The following SASH1 variants were observed in gnomAD, a reference collection of about 807,000 sequenced individuals.
SASH1 encodes the protein SAM and SH3 domain containing 1.
In SASH1, 44 loss-of-function variants were observed where a neutral mutation model predicts 125.2. That is an observed-to-expected ratio of 0.35 (90% CI 0.28 to 0.45). The LOEUF is 0.45. Ranked by LOEUF, SASH1 falls within the 20% of genes least tolerant of loss-of-function variation. The pLI, the probability that SASH1 is intolerant of heterozygous loss-of-function variation, is 1.00. For synonymous variants in SASH1, 639 were observed against 649.1 expected (o/e 0.98, Z 0.24); for missense variants, 1,426 against 1,614.5 (o/e 0.88, Z 2.00).
intron 8 of SASH1, among the ~76,000 whole-genome samples, chr6:148,510,839 T>TA (rs1225541017): frequency 2.0e-5 from 3 of 151,340 alleles, no homozygotes; most frequent in African/African-American, 7.3e-5. Context: ...TCTACAAAAA[T>TA]ACAAAAATTA....
chr6:148,237,499 A>T, the SASH1 span: 1 of 152,176 alleles, frequency 6.6e-6, no homozygotes, highest in African/African-American at 2.4e-5. Flanking sequence ...GGATTTCATT[A>T]TTCCATTTTT....
chr6:148,397,058 G>A (rs1454493016), intron 2 of SASH1, among the ~76,000 whole-genome samples: 2 of 152,080 alleles, frequency 1.3e-5, no homozygotes, highest in African/African-American at 4.8e-5. Context: ...TGTTGGAAAT[G>A]TGAACATCTA....
At chr6:148,468,728 C>T (rs1317438020) in intron 5 of SASH1, 143 bp downstream of exon 5, 2 of 561,630 alleles carry the variant, frequency 3.6e-6, no homozygotes, top group African/African-American at 1.9e-5. Context: ...TCCTTATTCT[C>T]CTTTTTCTAG....
chr6:148,261,348 G>T, the SASH1 span, among the ~76,000 whole-genome samples: 4 of 152,094 alleles, frequency 2.6e-5, no homozygotes, highest in Non-Finnish European at 5.9e-5. Context: ...TCATCTGCTG[G>T]GTCTCCATGT....
At chr6:148,438,347 GA>G (rs2114997254) in intron 2 of SASH1, among the ~76,000 whole-genome samples, 1 of 152,356 alleles carries the variant, frequency 6.6e-6, no homozygotes, top group South Asian at 2.1e-4. Context: ...GTAAGCACCA[GA>G]AATGTCCAAA....
At chr6:148,428,144 G>A (rs1332012808) in intron 2 of SASH1, among the ~76,000 whole-genome samples, 1 of 152,154 alleles carries the variant, frequency 6.6e-6, no homozygotes, top group Non-Finnish European at 1.5e-5. Context: ...CACCTTTTAT[G>A]AACTAACTGA....
chr6:148,423,007 C>T (rs1197372763), intron 2 of SASH1, among the ~76,000 whole-genome samples: 11 of 152,172 alleles, frequency 7.2e-5, no homozygotes, highest in African/African-American at 2.4e-4. Flanking sequence ...GGCGTGATCT[C>T]GGCTTACTGC....
intron 1 of SASH1, among the ~76,000 whole-genome samples, chr6:148,302,820 GTA>G (rs71031062): frequency 0.018 from 2,542 of 143,880 alleles, 67 homozygotes; most frequent in African/African-American, 0.061. Flanking sequence ...GACCTCAGGA[GTA>G]TATATATATA....
chr6:148,214,678 G>A, the SASH1 span, among the ~76,000 whole-genome samples: 1 of 152,144 alleles, frequency 6.6e-6, no homozygotes, highest in Non-Finnish European at 1.5e-5. Flanking sequence ...GCCCCAAAAT[G>A]TGCCTAGCTG....
At chr6:148,420,365 TAAG>T (rs910597572) in intron 2 of SASH1, among the ~76,000 whole-genome samples, 29 of 152,266 alleles carry the variant, frequency 1.9e-4, no homozygotes, top group African/African-American at 6.5e-4. Flanking sequence ...TTAAAAAAAA[TAAG>T]GATGATACTT....
chr6:148,290,205 G>C (rs1243251953), intron 1 of SASH1, among the ~76,000 whole-genome samples: 2 of 151,648 alleles, frequency 1.3e-5, no homozygotes, highest in Non-Finnish European at 2.9e-5. Context: ...GAAATATTTA[G>C]TTTTTCTCGG....
chr6:148,268,205 T>C (rs531373367), upstream of SASH1, among the ~76,000 whole-genome samples: 2 of 152,338 alleles, frequency 1.3e-5, no homozygotes. Context: ...AGAAAGAATC[T>C]TTCATTTAAA....
chr6:148,377,020 A>C (rs1269461876), intron 1 of SASH1, among the ~76,000 whole-genome samples: 2 of 149,338 alleles, frequency 1.3e-5, no homozygotes, highest in Non-Finnish European at 3.0e-5. Flanking sequence ...AATACAAAAA[A>C]TTAGCCGGGC....
the SASH1 span, among the ~76,000 whole-genome samples, chr6:148,205,900 G>A: frequency 1.3e-5 from 2 of 152,138 alleles, no homozygotes; most frequent in African/African-American, 4.8e-5. Flanking sequence ...CCCACTGTGG[G>A]TGCAGCTGAG....
intron 11 of SASH1, 75 bp from the exon 12 acceptor site, chr6:148,527,378 T>G: frequency 7.6e-7 from 1 of 1,314,796 alleles, no homozygotes; most frequent in Non-Finnish European, 1.0e-6. Context: ...AGAGCTAGGA[T>G]GTTAATGGTT....
intron 2 of SASH1, among the ~76,000 whole-genome samples, chr6:148,401,600 A>G (rs1349196948): frequency 6.6e-6 from 1 of 152,204 alleles, no homozygotes; most frequent in Non-Finnish European, 1.5e-5. Flanking sequence ...TGTATAAGGC[A>G]TAGTTTGAGA....
chr6:148,335,390 G>T (rs1209343277), intron 1 of SASH1, among the ~76,000 whole-genome samples: 6 of 150,502 alleles, frequency 4.0e-5, no homozygotes, highest in Non-Finnish European at 8.9e-5. Context: ...GCTTGAACCC[G>T]GGAGGTGGAG....
At chr6:148,322,934 T>TTTTCCTCCCTTC (rs1780687708) in intron 1 of SASH1, among the ~76,000 whole-genome samples, 1 of 129,406 alleles carries the variant, frequency 7.7e-6, no homozygotes, top group Non-Finnish European at 1.7e-5. Flanking sequence ...TCTCTCTTTC[T>TTTTCCTCCCTTC]TTTCCTTCCT....
intron 1 of SASH1, among the ~76,000 whole-genome samples, chr6:148,366,471 C>T (rs1486678487): frequency 2.0e-5 from 3 of 152,014 alleles, no homozygotes; most frequent in Non-Finnish European, 2.9e-5. Context: ...CTTGGTGGGG[C>T]GATGGTGCAT....
Sources: gnomAD v4.1 joint callset for allele counts (sites outside exome capture counted in the v4.1 genomes callset) on GRCh38, gnomAD v4.1.1 for gene constraint, MANE v1.5 for transcripts, NCBI Gene and HGNC (gene_info 2026-07-23, HGNC 2026-07-21) for gene names.